ALDH16A1: variants seen among roughly 807,000 people sequenced by gnomAD.
ALDH16A1 encodes the protein aldehyde dehydrogenase 16 family member A1.
ALDH16A1 carries 88 observed loss-of-function variants against 96.1 expected under a neutral mutation model. The observed-to-expected ratio is 0.92, with a 90% CI of 0.77 to 1.09. The LOEUF (loss-of-function observed/expected upper bound fraction) is 1.09, where lower values mean the gene tolerates loss of function less well. Among genes scored for constraint, ALDH16A1 ranks in the 50% least tolerant of loss-of-function variants. The pLI, the probability that ALDH16A1 is intolerant of heterozygous loss-of-function variation, is 0.00. For missense variants in ALDH16A1, 1,250 were observed against 1,112.6 expected, an observed-to-expected ratio of 1.12 and a Z score of -1.76; for synonymous variants, 522 against 496.4, an observed-to-expected ratio of 1.05 and a Z score of -0.69.
intron 4 of ALDH16A1, among the ~76,000 whole-genome samples, 158 bp downstream of exon 4, chr19:49,460,006 G>A (rs1293738165): frequency 6.6e-6 from 1 of 152,142 alleles, no homozygotes. Flanking sequence ...CGCCTCCCGG[G>A]TTCAAGTGAT....
rs372559607 is a variant in ALDH16A1 at position 49,470,288 on chromosome 19, G to T, written c.2248-18G>T. 1 of 1,612,356 alleles carries T rather than the reference G, an allele frequency of 6.2e-7. No individual in the cohort carries two copies. Among genetic ancestry groups the T allele is most frequent in the African/African-American group, 1.3e-5 (1 of 74,858 alleles). On this transcript the variant is annotated intron_variant, in intron 16 of 16. Transcript: ENST00000293350. Reference sequence around the variant, plus strand: ...CAAGCCTGCAGAAGTGCTTACCCCCGTCTCTTCCTCCCCTCAGGGTTCCCA... The same window carrying T: ...CAAGCCTGCAGAAGTGCTTACCCCCTTCTCTTCCTCCCCTCAGGGTTCCCA...
rs142695550 is a variant in ALDH16A1, at chr19:49,455,878, C to T, written c.90+2457C>T. ...CAACCAACAAACATGTTTTCTTTGG[C>T]GTGAACTTTATTTTTTTTTTATGTG... is the stretch of plus-strand genomic sequence containing the variant. On this transcript the variant is annotated intron_variant, in intron 1 of 16. Transcript: ENST00000293350. 2.0e-3 allele frequency among the ~76,000 whole-genome samples: 304 copies of T among 152,260 alleles called. 1 individual carries two copies. The highest frequency in any genetic ancestry group is 6.8e-3 in the African/African-American group (284 of 41,544).
rs776005183 is a variant in ALDH16A1, at chr19:49,466,246, G to T, written c.1901G>T (p.Trp634Leu). ...VELSARRLRA[W>L]GARVQAQGHT... Reference sequence around the variant, plus strand: ...CTGAGCGCAAGACGACTTCGGGCGTGGGGGGCCCGGGTGCAGGCCCAAGGC... The same window carrying T: ...CTGAGCGCAAGACGACTTCGGGCGTTGGGGGCCCGGGTGCAGGCCCAAGGC... Residue 634 changes from tryptophan (W) to leucine (L), a missense_variant, in exon 14 of 17, where the codon TGG becomes TTG. By Grantham distance (61) the Trp-to-Leu change is moderately conservative. Transcript: ENST00000293350. 2.0e-6 allele frequency: 3 copies of T among 1,480,890 alleles called. No homozygotes were observed. Among genetic ancestry groups the T allele is most frequent in the Admixed American group, 2.5e-5 (1 of 40,248 alleles). The allele number at this position is 1,480,890 out of a possible 1,614,324, so 91.7% of individuals were successfully genotyped here.
At position 49,461,673 on chromosome 19, in the gene ALDH16A1, C is replaced by A. The variant is rs779298390; in HGVS notation, c.632C>A (p.Ala211Asp). 34 of 1,607,578 alleles carry A rather than the reference C, an allele frequency of 2.1e-5. No individual in the cohort carries two copies. The highest frequency in any genetic ancestry group is 2.8e-5 in the Non-Finnish European group (33 of 1,177,348). ...GCCTCCCCGGCGCCCCTCCTCCTGG[C>A]CCAGCTGGCGGGGGAGCTGGGCCCC... ...PPASPAPLLL[A>D]QLAGELGPFP... The change falls in exon 6 of 17, where the codon GCC (alanine) becomes GAC (aspartate). Residue 211 changes from alanine to aspartate, a missense_variant. By Grantham distance (126) the Ala-to-Asp change is moderately radical. Coordinates refer to ENST00000293350, the MANE Select transcript of ALDH16A1 (RefSeq NM_153329.4).
chr19:49,455,556 G>A (rs1601015749), intron 1 of ALDH16A1, among the ~76,000 whole-genome samples: 1 of 150,868 alleles, frequency 6.6e-6, no homozygotes, highest in Non-Finnish European at 1.5e-5. Context: ...TCATACCACT[G>A]AACTCCAGCC....
rs368855592 is a variant in ALDH16A1, at chr19:49,470,263, C to G, written c.2248-43C>G. On this transcript the variant is annotated intron_variant, in intron 16 of 16. Coordinates refer to ENST00000293350, the MANE Select transcript of ALDH16A1 (RefSeq NM_153329.4). ...CGCGGAGGAAGCAGGTGCTCAGCAA[C>G]AAGCCTGCAGAAGTGCTTACCCCCG... The G allele has an allele frequency of 2.5e-6, 4 of 1,607,746 alleles. No homozygotes were observed. The African/African-American group carries it at 5.4e-5, about 22-fold the overall frequency.
Position 49,462,671 on chromosome 19 carries a change from G to C in ALDH16A1, c.1014G>C (p.Gly338=), listed in dbSNP as rs1168080721. Residue 338 remains glycine, a synonymous_variant, in exon 8 of 17, where the codon GGG becomes GGC. Coordinates refer to ENST00000293350, the MANE Select transcript of ALDH16A1 (RefSeq NM_153329.4). The stretch of plus-strand genomic sequence containing the variant: ...TTCGGAGTGGCCGAGGGCTGGATGG[G>C]GCCGTGGACATGGGGGCCCGGGGGG... ...GRLRSGRGLD[G]AVDMGARGAA... 1 of 1,610,580 alleles carries C rather than the reference G, an allele frequency of 6.2e-7. No individual in the cohort carries two copies. Among genetic ancestry groups the C allele is most frequent in the Non-Finnish European group, 8.5e-7 (1 of 1,179,438 alleles).
intron 1 of ALDH16A1, among the ~76,000 whole-genome samples, chr19:49,457,195 AGTGAGCAG>A (rs200223898): frequency 0.011 from 1,686 of 152,110 alleles, 23 homozygotes; most frequent in African/African-American, 0.037. Flanking sequence ...AGAAGGAGCA[AGTGAGCAG>A]TGTGCTTTGG....
At chr19:49,463,735 G>T in intron 8 of ALDH16A1, 119 bp from the exon 9 acceptor site, 1 of 776,718 alleles carries the variant, frequency 1.3e-6, no homozygotes, top group South Asian at 1.7e-5. Context: ...TGGGTCTGAG[G>T]GAGGAGGGGC....
intron 14 of ALDH16A1, among the ~76,000 whole-genome samples, chr19:49,467,756 G>A (rs2079211103): frequency 6.6e-6 from 1 of 151,942 alleles, no homozygotes; most frequent in African/African-American, 2.4e-5. Context: ...GCGCAGGCTT[G>A]TTACATAGGG....
chr19:49,466,020 G>A lies in ALDH16A1; in HGVS notation c.1737-62G>A, dbSNP rs2079194842. On this transcript the variant is annotated intron_variant, in intron 13 of 16. Transcript: ENST00000293350. The stretch of plus-strand genomic sequence containing the variant: ...CCCAGGGTAGGGGCTGTGGACAGAG[G>A]TGGGGTGTCAGGAGAGCCAAGACCA... 3.9e-6 allele frequency: 6 copies of A among 1,538,046 alleles called. No individual in the cohort carries two copies. In the African/African-American group the frequency reaches 4.1e-5, roughly 11 times the overall value.
At chr19:49,469,430 C>G (rs2122430146) in intron 16 of ALDH16A1, 1 of 153,458 alleles carries the variant, frequency 6.5e-6, no homozygotes, top group Non-Finnish European at 1.4e-5. Context: ...TTTTCTTTTG[C>G]AGAGACTGGG....
rs2122424829 is a variant in ALDH16A1 at position 49,468,301 on chromosome 19, G to A, written c.1939-80G>A. ...GTTTGGGCCAACACCAAGTGTTGGGGAGAATGTAGAGGAACTGGATCTCTC... is the reference window on the plus strand; with the variant it reads ...GTTTGGGCCAACACCAAGTGTTGGGAAGAATGTAGAGGAACTGGATCTCTC... On this transcript the variant is annotated intron_variant, in intron 14 of 16. Transcript: ENST00000293350. This position sits in a 1 kb window ranked among gnomAD's most constrained non-coding sequence, Gnocchi z 4.4. 1 of 1,445,804 alleles carries A rather than the reference G, an allele frequency of 6.9e-7. No individual in the cohort carries two copies. Among genetic ancestry groups the A allele is most frequent in the Admixed American group, 1.9e-5 (1 of 52,458 alleles). 89.6% of individuals were successfully genotyped at this position (1,445,804 alleles called of 1,614,324 possible).
intron 1 of ALDH16A1, 128 bp downstream of exon 1, chr19:49,453,549 C>T: frequency 1.1e-6 from 1 of 905,914 alleles, no homozygotes; most frequent in Admixed American, 2.7e-5. Context: ...CCGTGATTCC[C>T]GCCGCCCAAT....
chr19:49,467,043 C>T (rs1404890410), intron 14 of ALDH16A1, among the ~76,000 whole-genome samples: 1 of 152,142 alleles, frequency 6.6e-6, no homozygotes. Context: ...ATGTTGGCAC[C>T]AGTCTCCCTC....
In ALDH16A1 at chr19:49,453,385, G is replaced by C. The variant is rs1319043198; in HGVS notation, c.54G>C (p.Glu18Asp). 1.3e-6 allele frequency: 2 copies of C among 1,564,856 alleles called. No individual in the cohort carries two copies. The highest frequency in any genetic ancestry group is 2.7e-5 in the African/African-American group (2 of 73,926). ...CCCGCGAGATCTTCACCTCGCTGGA[G>C]TACGGACCGGTGCCGGAGAGCCACG... ...PRAREIFTSL[E>D]YGPVPESHAC... The change falls in exon 1 of 17, where the codon GAG becomes GAC. Residue 18 changes from glutamate (E) to aspartate (D), a missense_variant. By Grantham distance (45) the Glu-to-Asp change is conservative. Coordinates refer to ENST00000293350, the MANE Select transcript of ALDH16A1 (RefSeq NM_153329.4).
chr19:49,470,524 C>A lies in ALDH16A1; in HGVS notation c.*57C>A. Reference sequence around the variant, plus strand: ...CCTCACACCAAGGGGAGATGCACCCCACAGACACCTGGGACTTTCCCCTTC... The same window carrying A: ...CCTCACACCAAGGGGAGATGCACCCAACAGACACCTGGGACTTTCCCCTTC... On this transcript the variant is annotated 3_prime_UTR_variant, in exon 17 of 17. Transcript: ENST00000293350. 6.9e-7 allele frequency: 1 copy of A among 1,442,602 alleles called. No homozygotes were observed. The highest frequency in any genetic ancestry group is 1.5e-5 in the South Asian group (1 of 68,932). 89.4% of individuals were successfully genotyped at this position (1,442,602 alleles called of 1,614,324 possible).
intron 7 of ALDH16A1, 32 bp downstream of exon 7, chr19:49,462,068 C>T (rs1408819106): frequency 7.9e-6 from 12 of 1,511,900 alleles, no homozygotes; most frequent in South Asian, 7.5e-5. Flanking sequence ...CTCCTCATAC[C>T]CTGGAGGCCG....
intron 5 of ALDH16A1, among the ~76,000 whole-genome samples, 194 bp from the exon 6 acceptor site, chr19:49,461,425 A>G (rs1332563898): frequency 1.1e-5 from 1 of 89,360 alleles, no homozygotes. Flanking sequence ...CTGAGGGAGG[A>G]GGGGCTGGGC....
Sources: gnomAD v4.1 joint callset for allele counts (sites outside exome capture counted in the v4.1 genomes callset) on GRCh38, gnomAD v4.1.1 for gene constraint, Gnocchi (gnomAD v3.1) non-coding constraint, MANE v1.5 for transcripts, NCBI Gene and HGNC (gene_info 2026-07-23, HGNC 2026-07-21) for gene names.